The following FRMPD4 variants were observed in gnomAD, a reference collection of about 807,000 sequenced individuals.
FRMPD4 encodes the protein FERM and PDZ domain containing 4, also known as FERM and PDZ domain-containing protein 4.
A neutral mutation model predicts 94.1 loss-of-function variants in FRMPD4; 22 were observed. The observed-to-expected ratio is 0.23, with a 90% CI of 0.17 to 0.33. FRMPD4 has a LOEUF of 0.33. Among genes scored for constraint, FRMPD4 ranks in the 10% least tolerant of loss-of-function variants. The pLI is 1.00. For synonymous variants in FRMPD4, 631 were observed against 548.6 expected (o/e 1.15, Z -2.10); for missense variants, 1,111 against 1,339.9 (o/e 0.83, Z 2.67).
intron 1 of FRMPD4, among the ~76,000 whole-genome samples, chrX:11,823,310 T>G (rs780059859): frequency 5.3e-4 from 58 of 108,722 alleles, no homozygotes; most frequent in African/African-American, 1.8e-3. Flanking sequence ...ATAATAATTA[T>G]TATTATTATT....
At chrX:12,181,448 A>G (rs1224948127) in intron 1 of FRMPD4, among the ~76,000 whole-genome samples, 1 of 111,885 alleles carries the variant, frequency 8.9e-6, no homozygotes, top group African/African-American at 3.2e-5. Context: ...GAATTGGGTG[A>G]GAGGTTGCAA....
At chrX:12,504,403 T>C (rs1966710660) in intron 2 of FRMPD4, among the ~76,000 whole-genome samples, 1 of 112,868 alleles carries the variant, frequency 8.9e-6, no homozygotes, top group Non-Finnish European at 1.9e-5. Flanking sequence ...AGAGCAAATG[T>C]CATTTGGTTC....
intron 1 of FRMPD4, among the ~76,000 whole-genome samples, chrX:11,827,081 TATATAA>T (rs1342399500): frequency 5.0e-5 from 5 of 99,205 alleles, no homozygotes; most frequent in African/African-American, 1.1e-4. Flanking sequence ...TATATATATA[TATATAA>T]AATATATATG....
At chrX:12,456,940 C>T (rs2057339997) in intron 1 of FRMPD4, among the ~76,000 whole-genome samples, 1 of 112,345 alleles carries the variant, frequency 8.9e-6, no homozygotes. Flanking sequence ...CCCTTCAGGT[C>T]AGTTTTGCTG....
chrX:12,387,248 T>C (rs1401236640), intron 1 of FRMPD4, among the ~76,000 whole-genome samples: 1 of 112,390 alleles, frequency 8.9e-6, no homozygotes, highest in Non-Finnish European at 1.9e-5. Flanking sequence ...TTTTCACTGT[T>C]TTGGATCCCA....
At chrX:12,475,538 T>C (rs929408977) in intron 1 of FRMPD4, among the ~76,000 whole-genome samples, 1 of 112,041 alleles carries the variant, frequency 8.9e-6, no homozygotes, top group Non-Finnish European at 1.9e-5. Context: ...TGTTTGCAGA[T>C]GACATGATTG....
Position 12,340,560 on chromosome X carries a change from T to A in FRMPD4, c.42-158120T>A, listed in dbSNP as rs369353251. 1.1e-4 allele frequency among the ~76,000 whole-genome samples: 12 copies of A among 111,768 alleles called. No individual in the cohort carries two copies. The East Asian group carries it at 1.1e-3, about 10-fold the overall frequency. On this transcript the variant is annotated intron_variant, in intron 1 of 16. Transcript: ENST00000675598. ...AAACCTTGAGATCTTAGCTGAGAAGTACATGTAACAAGTTGTCTCTTTGTG... is the reference window on the plus strand; with the variant it reads ...AAACCTTGAGATCTTAGCTGAGAAGAACATGTAACAAGTTGTCTCTTTGTG...
chrX:11,870,557 A>G (rs1218039582), intron 2 of FRMPD4, among the ~76,000 whole-genome samples: 1 of 111,690 alleles, frequency 9.0e-6, no homozygotes, highest in Non-Finnish European at 1.9e-5. Flanking sequence ...CAAAAGCAGG[A>G]GACTGGGTTT....
Position 12,593,286 on chromosome X carries a change from T to C in FRMPD4, c.159-16435T>C, listed in dbSNP as rs773879837. On this transcript the variant is annotated intron_variant, in intron 2 of 16. Transcript: ENST00000675598. Reference sequence around the variant, plus strand: ...CACAGTAGCTTCAGGGCAAGCTACATTGCCTTTGGGTCTCCAGGTCCCACA... The same window carrying C: ...CACAGTAGCTTCAGGGCAAGCTACACTGCCTTTGGGTCTCCAGGTCCCACA... Among the ~76,000 whole-genome samples the C allele has an allele frequency of 5.7e-4, 64 of 112,376 alleles. 1 individual carries two copies. The highest frequency in any genetic ancestry group is 2.0e-3 in the African/African-American group (61 of 30,973).
intron 14 of FRMPD4, 71 bp from the exon 15 acceptor site, chrX:12,715,998 G>GCCGGGGGGGCCC: frequency 7.8e-6 from 3 of 383,854 alleles, no homozygotes; most frequent in Admixed American, 3.7e-5. Flanking sequence ...ACAGAGACGA[G>GCCGGGGGGGCCC]CCTCCCACCC....
chrX:12,713,107 T>A (rs2042017065), intron 14 of FRMPD4, among the ~76,000 whole-genome samples: 1 of 108,095 alleles, frequency 9.3e-6, no homozygotes, highest in Non-Finnish European at 1.9e-5. Context: ...AAAAGAAAAG[T>A]AAAGAAATTC....
At chrX:12,096,292 C>T in intron 3 of FRMPD4, among the ~76,000 whole-genome samples, 1 of 112,248 alleles carries the variant, frequency 8.9e-6, no homozygotes, top group Non-Finnish European at 1.9e-5. Flanking sequence ...AAGTAAAAGT[C>T]ACAGACTTCT....
intron 1 of FRMPD4, among the ~76,000 whole-genome samples, chrX:11,826,844 C>T: frequency 9.1e-6 from 1 of 109,412 alleles, no homozygotes; most frequent in Non-Finnish European, 1.9e-5. Context: ...AAAAGGTTCC[C>T]AGACAAAGAG....
intron 3 of FRMPD4, among the ~76,000 whole-genome samples, chrX:12,083,076 A>G (rs368711355): frequency 1.8e-5 from 2 of 112,850 alleles, no homozygotes; most frequent in Non-Finnish European, 3.8e-5. Context: ...GCCTAATGTT[A>G]ATTCTCAAGA....
intron 2 of FRMPD4, among the ~76,000 whole-genome samples, chrX:12,607,525 T>C (rs2059142923): frequency 8.9e-6 from 1 of 112,007 alleles, no homozygotes; most frequent in South Asian, 3.7e-4. Flanking sequence ...CATTTTCATT[T>C]TGCACTGTTT....
intron 2 of FRMPD4, among the ~76,000 whole-genome samples, chrX:12,549,439 T>C (rs2058511183): frequency 8.9e-6 from 1 of 112,803 alleles, no homozygotes; most frequent in Non-Finnish European, 1.9e-5. Context: ...AAAGTTAGAT[T>C]ATTCAAATCA....
At chrX:11,992,235 G>A (rs2054469124) in intron 3 of FRMPD4, among the ~76,000 whole-genome samples, 1 of 111,805 alleles carries the variant, frequency 8.9e-6, no homozygotes, top group South Asian at 3.7e-4. Context: ...GGGCGCATCA[G>A]TAATATTTAA....
chrX:12,219,860 C>T (rs1331424490), intron 1 of FRMPD4, among the ~76,000 whole-genome samples: 2 of 111,927 alleles, frequency 1.8e-5, no homozygotes, highest in Non-Finnish European at 3.8e-5. Flanking sequence ...AGCAACCCTG[C>T]ACCAGGTGCC....
At chrX:12,248,285 A>G (rs1210643677) in intron 1 of FRMPD4, among the ~76,000 whole-genome samples, 1 of 112,403 alleles carries the variant, frequency 8.9e-6, no homozygotes, top group Admixed American at 9.4e-5. Flanking sequence ...CTTATAGGAG[A>G]TGACAACATA....
Sources: gnomAD v4.1 joint callset for allele counts (sites outside exome capture counted in the v4.1 genomes callset) on GRCh38, gnomAD v4.1.1 for gene constraint, MANE v1.5 for transcripts, NCBI Gene and HGNC (gene_info 2026-07-23, HGNC 2026-07-21) for gene names.